The following NIPBL variants were observed in gnomAD, a reference collection of about 807,000 sequenced individuals.
The protein encoded by NIPBL is NIPBL cohesin loading factor, also known as nipped-B-like protein.
In NIPBL, 19 loss-of-function variants were observed where a neutral mutation model predicts 321.8. That is an observed-to-expected ratio of 0.06 (90% confidence interval 0.04 to 0.09). The LOEUF is 0.09. Ranked by LOEUF, NIPBL falls within the 10% of genes least tolerant of loss-of-function variation. NIPBL has a pLI of 1.00. For missense variants in NIPBL, 2,210 were observed against 3,327.0 expected (o/e 0.66, Z 8.26); for synonymous variants, 1,106 against 1,114.1 (o/e 0.99, Z 0.14).
intron 6 of NIPBL, among the ~76,000 whole-genome samples, chr5:36,965,693 A>G (rs1316258133): frequency 6.6e-6 from 1 of 152,150 alleles, no homozygotes; most frequent in Non-Finnish European, 1.5e-5. Flanking sequence ...CATACAGAAA[A>G]GACAAATATT....
intron 9 of NIPBL, among the ~76,000 whole-genome samples, chr5:36,981,792 A>G (rs1164352228): frequency 6.6e-6 from 1 of 151,704 alleles, no homozygotes; most frequent in East Asian, 1.9e-4. Flanking sequence ...TGTTTTTATA[A>G]TGTTACAATA....
At chr5:36,980,641 C>A (rs1012340660) in intron 9 of NIPBL, among the ~76,000 whole-genome samples, 1 of 151,578 alleles carries the variant, frequency 6.6e-6, no homozygotes, top group Non-Finnish European at 1.5e-5. Flanking sequence ...ATAAGCTATA[C>A]CATATAGCCT....
rs921345930 is a variant in NIPBL, at chr5:37,007,214, C to G, written c.4088-109C>G. 3 of 878,098 alleles carry G rather than the reference C, an allele frequency of 3.4e-6. No individual in the cohort carries two copies. In the African/African-American group the frequency reaches 5.0e-5, roughly 15 times the overall value. The allele number at this position is 878,098 out of a possible 1,614,324, so 54.4% of individuals were successfully genotyped here. On this transcript the variant is annotated intron_variant, in intron 17 of 46. Coordinates refer to ENST00000282516, the MANE Select transcript of NIPBL (RefSeq NM_133433.4). ...AATAAAAAGCTTTATCTTCCAGGTT[C>G]TGTAGCTAGAAAATTGTGTTCTCTT...
chr5:37,008,700 C>A lies in NIPBL; in HGVS notation c.4398C>A (p.Ser1466Arg). The A allele has an allele frequency of 6.2e-7, 1 of 1,601,004 alleles. No homozygotes were observed. Among genetic ancestry groups the A allele is most frequent in the Non-Finnish European group, 8.6e-7 (1 of 1,168,368 alleles). ...CTTCACTTGCAAGATTACCAACCAG[C>A]AAGAGGAGTTTAAGGAACTTCAGGT... ...IFTSLARLPTSKRSLRNFRLN... is the reference protein window; with the variant it reads ...IFTSLARLPTRKRSLRNFRLN... Residue 1466 changes from serine (S) to arginine (R), a missense_variant, in exon 20 of 47, where the codon AGC becomes AGA. By Grantham distance (110) the Ser-to-Arg change is moderately radical. Around this residue, in one of 14 missense-constraint regions of NIPBL, gnomAD observed 381 missense variants for 642.3 expected, o/e 0.59. Coordinates refer to ENST00000282516, the MANE Select transcript of NIPBL (RefSeq NM_133433.4).
intron 1 of NIPBL, among the ~76,000 whole-genome samples, chr5:36,951,331 C>G (rs897605343): frequency 1.3e-5 from 2 of 152,178 alleles, no homozygotes; most frequent in Non-Finnish European, 1.5e-5. Flanking sequence ...GTAGAATCCT[C>G]TAGCATATTA....
At chr5:37,016,386 A>AT (rs1480176721) in intron 23 of NIPBL, among the ~76,000 whole-genome samples, 1 of 152,164 alleles carries the variant, frequency 6.6e-6, no homozygotes, top group Admixed American at 6.5e-5. Context: ...ATTACATAAG[A>AT]TAACAGTGCT....
chr5:37,000,032 A>G (rs1345341128), intron 11 of NIPBL, among the ~76,000 whole-genome samples: 1 of 152,200 alleles, frequency 6.6e-6, no homozygotes, highest in African/African-American at 2.4e-5. Context: ...TTTGTTTTAC[A>G]GCCTCAATTA....
At position 36,902,089 on chromosome 5, in the gene NIPBL, G is replaced by A. The variant is rs1747277744; in HGVS notation, c.-80+24911G>A. Among the ~76,000 whole-genome samples the A allele has an allele frequency of 3.4e-5, 5 of 146,708 alleles. 1 individual carries two copies. The South Asian group carries it at 1.1e-3, about 32-fold the overall frequency. On this transcript the variant is annotated intron_variant, in intron 1 of 46. Transcript: ENST00000282516. Reference sequence around the variant, plus strand: ...AAGTGTCTGTTCATGTCCTTTGCCCGTTTTTTTTTTAATAGAGTTGTTTTC... The same window carrying A: ...AAGTGTCTGTTCATGTCCTTTGCCCATTTTTTTTTTAATAGAGTTGTTTTC...
intron 9 of NIPBL, among the ~76,000 whole-genome samples, chr5:36,977,554 A>G (rs925424856): frequency 3.3e-5 from 5 of 151,542 alleles, no homozygotes; most frequent in Non-Finnish European, 5.9e-5. Context: ...AGAGATTGCT[A>G]GAAGTCTTCA....
At chr5:36,977,346 A>G (rs1156956748) in intron 9 of NIPBL, among the ~76,000 whole-genome samples, 2 of 151,982 alleles carry the variant, frequency 1.3e-5, no homozygotes. Flanking sequence ...ATTTTTATAT[A>G]TGATGTGTTC....
At chr5:37,022,776 G>A (rs1749798038) in intron 29 of NIPBL, among the ~76,000 whole-genome samples, 1 of 152,164 alleles carries the variant, frequency 6.6e-6, no homozygotes, top group Non-Finnish European at 1.5e-5. Flanking sequence ...GACACGTACA[G>A]AACGTTGGTA....
chr5:36,958,528 CATTA>C (rs984465143), intron 4 of NIPBL, among the ~76,000 whole-genome samples: 25 of 152,208 alleles, frequency 1.6e-4, no homozygotes, highest in East Asian at 1.5e-3. Flanking sequence ...ATAAGTCTTT[CATTA>C]ATTAAATAAA....
In NIPBL at chr5:37,006,605, T is replaced by A. The variant is rs1435199528; in HGVS notation, c.4087+17T>A. The A allele has an allele frequency of 3.9e-6, 6 of 1,529,328 alleles. No homozygotes were observed. The highest frequency in any genetic ancestry group is 3.6e-6 in the Non-Finnish European group (4 of 1,110,980). 94.7% of individuals were successfully genotyped at this position (1,529,328 alleles called of 1,614,324 possible). The stretch of plus-strand genomic sequence containing the variant: ...CTCATGGAGGTTAGTTCGTATAATA[T>A]CAAAATTATTGTAAATTTTTGCCAT... On this transcript the variant is annotated intron_variant, in intron 17 of 46. Coordinates refer to ENST00000282516, the MANE Select transcript of NIPBL (RefSeq NM_133433.4).
chr5:36,968,270 C>G (rs1052920863), intron 6 of NIPBL, among the ~76,000 whole-genome samples: 2 of 151,946 alleles, frequency 1.3e-5, no homozygotes, highest in Non-Finnish European at 2.9e-5. Flanking sequence ...CAGAAAGATT[C>G]AACTTCCATT....
chr5:36,949,441 A>G (rs1223339969), intron 1 of NIPBL, among the ~76,000 whole-genome samples: 1 of 151,846 alleles, frequency 6.6e-6, no homozygotes, highest in African/African-American at 2.4e-5. Flanking sequence ...TCTTCTCTGT[A>G]CATCACATTC....
At chr5:37,016,212 C>T (rs577368680) in intron 23 of NIPBL, 42 bp downstream of exon 23, 2 of 1,582,082 alleles carry the variant, frequency 1.3e-6, no homozygotes, top group African/African-American at 2.7e-5. Flanking sequence ...TACTAGAAGA[C>T]AACATAATGA....
intron 3 of NIPBL, 74 bp from the exon 4 acceptor site, chr5:36,958,030 T>C (rs1314865179): frequency 6.0e-6 from 9 of 1,495,320 alleles, no homozygotes; most frequent in African/African-American, 1.4e-5. Context: ...CCAGTGTGAT[T>C]TACTTTTATA....
intron 32 of NIPBL, among the ~76,000 whole-genome samples, chr5:37,032,395 G>A: frequency 1.1e-5 from 1 of 91,284 alleles, no homozygotes; most frequent in East Asian, 2.5e-4. Flanking sequence ...ACGTGTGTGT[G>A]TGTGTGTGTG....
intron 23 of NIPBL, 40 bp from the exon 24 acceptor site, chr5:37,016,979 G>C: frequency 7.7e-7 from 1 of 1,296,028 alleles, no homozygotes; most frequent in Non-Finnish European, 1.1e-6. Flanking sequence ...AAAATATATT[G>C]TTATAAATCT....
Sources: allele counts gnomAD v4.1 joint callset (sites outside exome capture counted in the v4.1 genomes callset), GRCh38; gene constraint gnomAD v4.1.1; regional missense constraint gnomAD v4.1.1; transcripts MANE v1.5; gene names NCBI Gene and HGNC (gene_info 2026-07-23, HGNC 2026-07-21).